The following LINGO2 variants were observed in gnomAD, a reference collection of about 807,000 sequenced individuals.
LINGO2 encodes leucine-rich repeat and immunoglobulin-like domain-containing nogo receptor-interacting protein 2.
LINGO2 carries 14 observed loss-of-function variants against 30.6 expected under a neutral mutation model. The observed-to-expected ratio is 0.46, with a 90% CI of 0.30 to 0.72. The LOEUF (loss-of-function observed/expected upper bound fraction) is 0.72. LINGO2 is among the 30% of genes least tolerant of loss of function. The pLI is 0.07. For synonymous variants in LINGO2, 317 were observed against 288.5 expected (o/e 1.10, Z -1.00); for missense variants, 729 against 751.7 (o/e 0.97, Z 0.35).
chr9:28,033,741 A>G (rs1823796169), intron 4 of LINGO2, among the ~76,000 whole-genome samples: 1 of 152,218 alleles, frequency 6.6e-6, no homozygotes, highest in Non-Finnish European at 1.5e-5. Context: ...TGTGAAACTT[A>G]TTGAAAAGTA....
chr9:28,949,506 CT>C, the LINGO2 span, among the ~76,000 whole-genome samples: 5 of 152,128 alleles, frequency 3.3e-5, no homozygotes, highest in African/African-American at 4.8e-5. Context: ...AGTAGAAAAT[CT>C]AGAAGAAATG....
At chr9:28,351,814 G>A (rs1349365057) in intron 3 of LINGO2, among the ~76,000 whole-genome samples, 2 of 151,310 alleles carry the variant, frequency 1.3e-5, no homozygotes, top group African/African-American at 4.8e-5. Context: ...GATCAAGTGG[G>A]CTTCATCCCT....
the LINGO2 span, among the ~76,000 whole-genome samples, chr9:29,112,984 G>C: frequency 6.6e-6 from 1 of 152,180 alleles, no homozygotes; most frequent in African/African-American, 2.4e-5. Context: ...CATTTAGTAA[G>C]TAAAGGATTA....
chr9:28,474,741 C>T (rs1035648698), intron 2 of LINGO2, among the ~76,000 whole-genome samples: 2 of 152,146 alleles, frequency 1.3e-5, no homozygotes, highest in Non-Finnish European at 2.9e-5. Flanking sequence ...GTTTCACTTG[C>T]ATCACATGAG....
intron 4 of LINGO2, among the ~76,000 whole-genome samples, chr9:28,264,897 C>G (rs1489552952): frequency 6.6e-6 from 1 of 151,932 alleles, no homozygotes; most frequent in Non-Finnish European, 1.5e-5. Flanking sequence ...GTGGGTGGGA[C>G]TTGTCTAATC....
intron 1 of LINGO2, among the ~76,000 whole-genome samples, chr9:28,501,579 A>G (rs1380838707): frequency 1.3e-5 from 2 of 152,184 alleles, no homozygotes; most frequent in African/African-American, 2.4e-5. Context: ...TGAATTTATT[A>G]CATTTCCCTA....
rs1297785994 is a variant in LINGO2 at position 28,481,193 on chromosome 9, T to C, written c.-364-5168A>G. Among the ~76,000 whole-genome samples the C allele has an allele frequency of 3.3e-5, 5 of 152,164 alleles. No individual in the cohort carries two copies. The South Asian group carries it at 6.2e-4, about 19-fold the overall frequency. ...TATGTGCAAATTCATAATGCAAAAG[T>C]GTATTGCAAATAGTTAAGATCTTCA... On this transcript the variant is annotated intron_variant, in intron 1 of 5. Coordinates refer to ENST00000379992, the Ensembl canonical transcript of LINGO2.
the LINGO2 span, among the ~76,000 whole-genome samples, chr9:29,167,613 GAAAACAAAAAC>G: frequency 6.6e-6 from 1 of 152,170 alleles, no homozygotes; most frequent in African/African-American, 2.4e-5. Flanking sequence ...TGAGATAAAG[GAAAACAAAAAC>G]AAAACAAAAA....
chr9:28,479,820 GTCTTAACT>G (rs1247638092), intron 1 of LINGO2, among the ~76,000 whole-genome samples: 2 of 143,626 alleles, frequency 1.4e-5, no homozygotes, highest in African/African-American at 2.6e-5. Context: ...ACTGAAGAAT[GTCTTAACT>G]ACTGGAACCA....
intron 3 of LINGO2, among the ~76,000 whole-genome samples, chr9:28,331,805 C>G (rs1362786964): frequency 1.3e-5 from 2 of 151,820 alleles, no homozygotes; most frequent in African/African-American, 4.8e-5. Context: ...CATTCCCATC[C>G]TGATATACTT....
At chr9:28,920,563 T>C in the LINGO2 span, among the ~76,000 whole-genome samples, 6 of 152,180 alleles carry the variant, frequency 3.9e-5, no homozygotes, top group Non-Finnish European at 7.3e-5. Flanking sequence ...TACTCAAATG[T>C]ACATATCTAC....
chr9:28,819,948 C>G, the LINGO2 span, among the ~76,000 whole-genome samples: 1 of 152,140 alleles, frequency 6.6e-6, no homozygotes, highest in South Asian at 2.1e-4. Flanking sequence ...CTCCTCCTCA[C>G]CAAAATCCCC....
At chr9:28,506,521 T>G (rs1194572985) in intron 1 of LINGO2, among the ~76,000 whole-genome samples, 6 of 131,208 alleles carry the variant, frequency 4.6e-5, no homozygotes, top group East Asian at 2.2e-4. Context: ...TATATATATA[T>G]AAACTGTTGG....
the LINGO2 span, among the ~76,000 whole-genome samples, chr9:28,732,739 T>A: frequency 6.6e-6 from 1 of 152,236 alleles, no homozygotes; most frequent in Non-Finnish European, 1.5e-5. Context: ...TTGTAACCAT[T>A]TTTGCTGTTG....
At chr9:28,339,840 T>C (rs1825709289) in intron 3 of LINGO2, among the ~76,000 whole-genome samples, 1 of 152,158 alleles carries the variant, frequency 6.6e-6, no homozygotes. Context: ...GTGTTTGTGG[T>C]AGTGAAAAAT....
At chr9:28,169,702 T>C (rs1828528955) in intron 4 of LINGO2, among the ~76,000 whole-genome samples, 1 of 152,150 alleles carries the variant, frequency 6.6e-6, no homozygotes, top group Non-Finnish European at 1.5e-5. Context: ...ATCATGAGCA[T>C]AGAAAACATA....
the LINGO2 span, among the ~76,000 whole-genome samples, chr9:28,948,071 C>T: frequency 6.6e-6 from 1 of 151,962 alleles, no homozygotes; most frequent in East Asian, 1.9e-4. Flanking sequence ...TTGATGTACC[C>T]ATCCTTGATG....
At chr9:29,195,751 T>C in the LINGO2 span, among the ~76,000 whole-genome samples, 1 of 152,160 alleles carries the variant, frequency 6.6e-6, no homozygotes, top group East Asian at 1.9e-4. Context: ...ACATACTTTA[T>C]GACGAAAGAT....
the LINGO2 span, among the ~76,000 whole-genome samples, chr9:29,060,690 A>G: frequency 1.3e-5 from 2 of 151,988 alleles, no homozygotes; most frequent in African/African-American, 2.4e-5. Context: ...TTTTTAGAAG[A>G]GAAATATAAA....
Sources: gnomAD v4.1 joint callset for allele counts (sites outside exome capture counted in the v4.1 genomes callset) on GRCh38, gnomAD v4.1.1 for gene constraint, MANE v1.5 for transcripts, NCBI Gene and HGNC (gene_info 2026-07-23, HGNC 2026-07-21) for gene names.